MBD5: variants seen among roughly 807,000 people sequenced by gnomAD.
MBD5 encodes methyl-CpG-binding domain protein 5.
Under a neutral mutation model 117.3 loss-of-function variants are expected in MBD5, and 13 were observed. The observed-to-expected ratio is 0.11, with a 90% CI of 0.07 to 0.18. MBD5 has a LOEUF of 0.18. Among genes scored for constraint, MBD5 ranks in the 10% least tolerant of loss-of-function variants. The probability of loss-of-function intolerance (pLI) is 1.00; values close to 1 mark genes in which losing one functional copy is unlikely to be tolerated. For synonymous variants in MBD5, 727 were observed against 766.4 expected (o/e 0.95, Z 0.85); for missense variants, 1,879 against 2,093.8 (o/e 0.90, Z 2.00).
intron 1 of MBD5, among the ~76,000 whole-genome samples, chr2:148,151,048 TG>T (rs1323325324): frequency 2.0e-4 from 29 of 148,350 alleles, no homozygotes; most frequent in African/African-American, 7.2e-4. Flanking sequence ...TTCCAGTTTT[TG>T]CCCATTCAGT....
At chr2:148,044,063 G>A (rs573851583) in intron 1 of MBD5, among the ~76,000 whole-genome samples, 1 of 152,272 alleles carries the variant, frequency 6.6e-6, no homozygotes, top group South Asian at 2.1e-4. Context: ...GATATGAACT[G>A]TCTCCAAGAA....
chr2:148,205,939 G>A (rs567056158), intron 2 of MBD5, among the ~76,000 whole-genome samples: 14 of 151,964 alleles, frequency 9.2e-5, no homozygotes, highest in South Asian at 2.1e-4. Flanking sequence ...CCGGGAGTTC[G>A]AGACCACCCT....
At chr2:148,368,811 A>G (rs900987996) in intron 4 of MBD5, among the ~76,000 whole-genome samples, 3 of 152,190 alleles carry the variant, frequency 2.0e-5, no homozygotes, top group Non-Finnish European at 4.4e-5. Context: ...TAATAGAGTT[A>G]GAAAATGATT....
chr2:148,420,636 T>C (rs1287939899), intron 4 of MBD5, among the ~76,000 whole-genome samples: 1 of 152,222 alleles, frequency 6.6e-6, no homozygotes, highest in African/African-American at 2.4e-5. Context: ...TTTCACTTTT[T>C]CTATCACTAT....
chr2:148,326,451 T>A (rs1387375133), intron 3 of MBD5, among the ~76,000 whole-genome samples: 18 of 152,150 alleles, frequency 1.2e-4, no homozygotes, highest in Non-Finnish European at 1.9e-4. Flanking sequence ...AAATCTCCCA[T>A]TATTAATGTG....
At chr2:148,362,347 C>A (rs887878167) in intron 4 of MBD5, among the ~76,000 whole-genome samples, 18 of 152,172 alleles carry the variant, frequency 1.2e-4, no homozygotes, top group African/African-American at 4.3e-4. Context: ...ATTTTCCCCT[C>A]ACAGTGTAAA....
rs539114809 is a variant in MBD5 at position 148,381,888 on chromosome 2, C to G, written c.-557+39552C>G. Among the ~76,000 whole-genome samples, 6 of 152,164 alleles carry G rather than the reference C, an allele frequency of 3.9e-5. No homozygotes were observed. The South Asian group carries it at 1.3e-3, about 32-fold the overall frequency. The stretch of plus-strand genomic sequence containing the variant: ...TCATAAGTGAAGGAGAAATAAAATC[C>G]TTTACAGACAAGCAAATGCTGAGAG... On this transcript the variant is annotated intron_variant, in intron 4 of 13. Coordinates refer to ENST00000642680, the MANE Select transcript of MBD5 (RefSeq NM_001378120.1).
At chr2:148,433,383 C>T (rs988476029) in intron 4 of MBD5, among the ~76,000 whole-genome samples, 4 of 152,108 alleles carry the variant, frequency 2.6e-5, no homozygotes, top group Admixed American at 1.3e-4. Flanking sequence ...ACTTCCAGTA[C>T]TATGTTGAAT....
intron 4 of MBD5, among the ~76,000 whole-genome samples, chr2:148,345,369 A>T (rs913025757): frequency 6.4e-5 from 9 of 140,442 alleles, no homozygotes; most frequent in Admixed American, 5.6e-4. Context: ...ACACATATAC[A>T]TATACACATA....
At chr2:148,471,866 T>A (rs1449506566) in intron 8 of MBD5, 2 of 152,128 alleles carry the variant, frequency 1.3e-5, no homozygotes, top group African/African-American at 4.8e-5. Flanking sequence ...ATCATATTTC[T>A]TTTTAGATAA....
At chr2:148,237,131 C>A (rs1700107915) in intron 3 of MBD5, among the ~76,000 whole-genome samples, 1 of 152,182 alleles carries the variant, frequency 6.6e-6, no homozygotes, top group Non-Finnish European at 1.5e-5. Context: ...ATGTTGTAGT[C>A]AGTTTGATCT....
intron 3 of MBD5, among the ~76,000 whole-genome samples, chr2:148,280,901 C>T (rs1055364114): frequency 6.6e-6 from 1 of 152,166 alleles, no homozygotes; most frequent in Non-Finnish European, 1.5e-5. Flanking sequence ...ATTTGAAGAT[C>T]AGACTCTAAT....
intron 4 of MBD5, among the ~76,000 whole-genome samples, chr2:148,380,370 A>G (rs571574042): frequency 6.6e-6 from 1 of 152,336 alleles, no homozygotes; most frequent in South Asian, 2.1e-4. Flanking sequence ...AAAAAGTGCC[A>G]TAATTTTACC....
intron 4 of MBD5, among the ~76,000 whole-genome samples, chr2:148,391,760 G>A (rs903026002): frequency 6.6e-6 from 1 of 152,036 alleles, no homozygotes; most frequent in African/African-American, 2.4e-5. Flanking sequence ...AAAGCTAATA[G>A]GTATATTGAT....
In MBD5 at chr2:148,490,340, A is replaced by G. The variant is rs1212499948; in HGVS notation, c.4708A>G (p.Asn1570Asp). Residue 1570 changes from asparagine (N) to aspartate (D), a missense_variant, in exon 11 of 14, where the codon AAT (asparagine) becomes GAT (aspartate). Transcript: ENST00000642680. ...NSLVKDYIHYNGDFNAKSVNG... is the reference protein window; with the variant it reads ...NSLVKDYIHYDGDFNAKSVNG... ...TCTGGTCAAAGACTACATCCATTAC[A>G]ATGGAGACTTTAATGCCAAAAGCGT... 1 of 1,614,088 alleles carries G rather than the reference A, an allele frequency of 6.2e-7. No individual in the cohort carries two copies. The highest frequency in any genetic ancestry group is 2.2e-5 in the East Asian group (1 of 44,902).
intron 4 of MBD5, among the ~76,000 whole-genome samples, chr2:148,421,851 C>T (rs1159081180): frequency 6.6e-6 from 1 of 152,224 alleles, no homozygotes; most frequent in Non-Finnish European, 1.5e-5. Flanking sequence ...CACAGCTCAG[C>T]AAGGCTGCTG....
At chr2:148,471,617 G>A (rs989277796) in intron 8 of MBD5, 11 of 152,010 alleles carry the variant, frequency 7.2e-5, no homozygotes, top group African/African-American at 2.7e-4. Context: ...CCTTCCTAGT[G>A]TTGCCATTTA....
chr2:148,171,609 T>A (rs915891036), intron 1 of MBD5, among the ~76,000 whole-genome samples: 1 of 152,080 alleles, frequency 6.6e-6, no homozygotes, highest in African/African-American at 2.4e-5. Context: ...GTACTGGAAG[T>A]CCTAGCCAGC....
chr2:148,324,554 C>G, intron 3 of MBD5, among the ~76,000 whole-genome samples: 1 of 152,006 alleles, frequency 6.6e-6, no homozygotes, highest in Non-Finnish European at 1.5e-5. Flanking sequence ...CTTCACATCC[C>G]TTGTAAGTTG....
Sources: allele counts gnomAD v4.1 joint callset (sites outside exome capture counted in the v4.1 genomes callset), GRCh38; gene constraint gnomAD v4.1.1; transcripts MANE v1.5; gene names NCBI Gene and HGNC (gene_info 2026-07-23, HGNC 2026-07-21).